The following SRCIN1 variants were observed in gnomAD, a reference collection of about 807,000 sequenced individuals.
SRCIN1 encodes the protein P130Cas-associated protein.
In SRCIN1, 50 loss-of-function variants were observed where a neutral mutation model predicts 116.2. The observed-to-expected ratio is 0.43, with a 90% CI of 0.34 to 0.54. The LOEUF is 0.54. Ranked by LOEUF, SRCIN1 falls within the 20% of genes least tolerant of loss-of-function variation. The pLI, the probability that SRCIN1 is intolerant of heterozygous loss-of-function variation, is 0.02. For synonymous variants in SRCIN1, 736 were observed against 750.0 expected (o/e 0.98, Z 0.30); for missense variants, 1,446 against 1,672.0 (o/e 0.86, Z 2.36).
At chr17:38,579,723 T>C (rs1022282027) in intron 1 of SRCIN1, among the ~76,000 whole-genome samples, 2 of 152,130 alleles carry the variant, frequency 1.3e-5, no homozygotes. Context: ...CGCGGAACTC[T>C]GAATCCCCTT....
intron 1 of SRCIN1, among the ~76,000 whole-genome samples, chr17:38,599,617 C>T (rs1270431317): frequency 1.3e-5 from 2 of 152,194 alleles, no homozygotes; most frequent in African/African-American, 2.4e-5. Flanking sequence ...TATCTAACCT[C>T]GATTCCTCCT....
Position 38,562,874 on chromosome 17 carries a change from G to C in SRCIN1, c.787C>G (p.Leu263Val). Residue 263 changes from leucine to valine, a missense_variant, in exon 6 of 19, where the codon CTC becomes GTC. Leu to Val is a conservative substitution (Grantham distance 32). Transcript: ENST00000617146. The surrounding 1 kb of genome is among the most constrained non-coding windows in gnomAD (Gnocchi z 4.2). ...TGTGAGCCAGGGAAGGCAGCGTAGAGGGGCTCCTTTCTGTAGATCTTGATA... is the reference window on the plus strand; with the variant it reads ...TGTGAGCCAGGGAAGGCAGCGTAGACGGGCTCCTTTCTGTAGATCTTGATA... ...SIIKIYRKEP[L>V]YAAFPGSHLT... 1 of 1,613,862 alleles carries C rather than the reference G, an allele frequency of 6.2e-7. No homozygotes were observed. The highest frequency in any genetic ancestry group is 1.3e-5 in the African/African-American group (1 of 75,048).
At chr17:38,557,748 T>C (rs1216252499) in intron 11 of SRCIN1, among the ~76,000 whole-genome samples, 1 of 152,220 alleles carries the variant, frequency 6.6e-6, no homozygotes, top group African/African-American at 2.4e-5. Context: ...AAGGTGGGTT[T>C]TCCTTGGCTA....
chr17:38,583,575 CAG>C (rs1450942485), intron 1 of SRCIN1, among the ~76,000 whole-genome samples: 1 of 99,968 alleles, frequency 1.0e-5, no homozygotes, highest in Non-Finnish European at 1.8e-5. Flanking sequence ...TTTTTTGAGA[CAG>C]AGTTTCACTC....
At chr17:38,534,942 T>C (rs1283221270) in intron 18 of SRCIN1, among the ~76,000 whole-genome samples, 1 of 152,060 alleles carries the variant, frequency 6.6e-6, no homozygotes, top group Non-Finnish European at 1.5e-5. Context: ...CTGGGTAACA[T>C]GGCGAGACCT....
chr17:38,556,852 C>T (rs1421518786), intron 11 of SRCIN1, among the ~76,000 whole-genome samples: 1 of 152,210 alleles, frequency 6.6e-6, no homozygotes, highest in East Asian at 1.9e-4. Flanking sequence ...TAAATCTCTC[C>T]TTTCGTATCT....
Position 38,573,816 on chromosome 17 carries a change from C to A in SRCIN1, c.324+4674G>T, listed in dbSNP as rs544295318. Among the ~76,000 whole-genome samples the A allele has an allele frequency of 2.6e-5, 4 of 152,376 alleles. No homozygotes were observed. In the South Asian group the frequency reaches 8.3e-4, roughly 32 times the overall value. On this transcript the variant is annotated intron_variant, in intron 2 of 18. Transcript: ENST00000617146. Reference sequence around the variant, plus strand: ...ATTCAGGACAAGTCTGTCCCACTTGCCATCCAGCCTTGGGGGCAGACACAT... The same window carrying A: ...ATTCAGGACAAGTCTGTCCCACTTGACATCCAGCCTTGGGGGCAGACACAT...
intron 11 of SRCIN1, among the ~76,000 whole-genome samples, chr17:38,557,467 A>C (rs60976555): frequency 0.028 from 4,213 of 152,316 alleles, 220 homozygotes; most frequent in African/African-American, 0.096. Flanking sequence ...AGAGGGCCCA[A>C]AGGAAGGAGC....
At chr17:38,597,928 TG>T (rs1408944659) in intron 1 of SRCIN1, among the ~76,000 whole-genome samples, 3 of 151,418 alleles carry the variant, frequency 2.0e-5, no homozygotes, top group Admixed American at 2.0e-4. Context: ...AGGAGAGAGG[TG>T]GGTCTAGGTT....
chr17:38,566,237 T>C (rs1386270479), intron 3 of SRCIN1, among the ~76,000 whole-genome samples: 2 of 152,064 alleles, frequency 1.3e-5, no homozygotes, highest in Admixed American at 6.5e-5. Flanking sequence ...GCAGGGATCC[T>C]GGGGGTTGCT....
At position 38,572,419 on chromosome 17, in the gene SRCIN1, A is replaced by G. The variant is rs1231475535; in HGVS notation, c.325-4188T>C. Among the ~76,000 whole-genome samples the G allele has an allele frequency of 6.6e-6, 1 of 152,092 alleles. No individual in the cohort carries two copies. Among genetic ancestry groups the G allele is most frequent in the Non-Finnish European group, 1.5e-5 (1 of 67,998 alleles). On this transcript the variant is annotated intron_variant, in intron 2 of 18. Coordinates refer to ENST00000617146, the MANE Select transcript of SRCIN1 (RefSeq NM_025248.3). The surrounding 1 kb of genome is among the most constrained non-coding windows in gnomAD (Gnocchi z 4.3). ...GAAGAGGGCGCACCCCGGGAAGGTC[A>G]TGACTTTCCGACGCTGGGGGAGGGG...
chr17:38,555,812 T>C (rs1339418581), intron 11 of SRCIN1, among the ~76,000 whole-genome samples: 4 of 152,198 alleles, frequency 2.6e-5, no homozygotes, highest in Non-Finnish European at 5.9e-5. Flanking sequence ...CCCCTGCTCA[T>C]ATGTGTAACA....
chr17:38,560,231 C>T, intron 8 of SRCIN1, 102 bp downstream of exon 8: 2 of 1,410,208 alleles, frequency 1.4e-6, no homozygotes, highest in Non-Finnish European at 1.9e-6. Context: ...AAGGGATTCA[C>T]CCAGGGTCAC....
At position 38,562,960 on chromosome 17, in the gene SRCIN1, C is replaced by G. The variant is rs749613021; in HGVS notation, c.741-40G>C. 2.0e-6 allele frequency: 3 copies of G among 1,510,302 alleles called. No individual in the cohort carries two copies. Among genetic ancestry groups the G allele is most frequent in the Non-Finnish European group, 2.7e-6 (3 of 1,092,032 alleles). 93.6% of individuals were successfully genotyped at this position (1,510,302 alleles called of 1,614,324 possible). A position where few individuals can be genotyped will look rare whatever the true frequency, so the allele number is the denominator to read the frequency against. On this transcript the variant is annotated intron_variant, in intron 5 of 18. Coordinates refer to ENST00000617146, the MANE Select transcript of SRCIN1 (RefSeq NM_025248.3). This position sits in a 1 kb window ranked among gnomAD's most constrained non-coding sequence, Gnocchi z 4.2. ...GAGACGGGGGTCACCACCCATCCCC[C>G]AGCTGTGCACAATGAGAAGGGATGG...
chr17:38,605,419 C>G (rs915231838), intron 1 of SRCIN1, among the ~76,000 whole-genome samples: 4 of 148,932 alleles, frequency 2.7e-5, no homozygotes, highest in African/African-American at 7.5e-5. Context: ...TGAGGCCCTC[C>G]CCACCCAGTC....
At chr17:38,595,037 C>G (rs765510530) in intron 1 of SRCIN1, among the ~76,000 whole-genome samples, 4 of 152,152 alleles carry the variant, frequency 2.6e-5, no homozygotes, top group Non-Finnish European at 5.9e-5. Flanking sequence ...CAGCTTCCAG[C>G]AGGGGGAACA....
At position 38,558,324 on chromosome 17, in the gene SRCIN1, G is replaced by A. The variant is rs1479788462; in HGVS notation, c.2104C>T (p.Arg702Trp). The A allele has an allele frequency of 1.2e-6, 2 of 1,610,584 alleles. No homozygotes were observed. The highest frequency in any genetic ancestry group is 1.7e-5 in the Admixed American group (1 of 59,982). ...ELSMRVSEAA[R>W]RQEDPLQRQR... Reference sequence around the variant, plus strand: ...CGCTGCAGCGGGTCCTCCTGCCGCCGCGCCGCCTCCGACACGCGCATGCTC... The same window carrying A: ...CGCTGCAGCGGGTCCTCCTGCCGCCACGCCGCCTCCGACACGCGCATGCTC... The change falls in exon 11 of 19, where the codon CGG becomes TGG. Residue 702 changes from arginine (R) to tryptophan (W), a missense_variant. By Grantham distance (101) the Arg-to-Trp change is moderately radical. Transcript: ENST00000617146. The surrounding 1 kb of genome is among the most constrained non-coding windows in gnomAD (Gnocchi z 4.6).
In SRCIN1 at chr17:38,539,369, T is replaced by G. The variant is rs569206682; in HGVS notation, c.3417+4454A>C. 5.9e-5 allele frequency among the ~76,000 whole-genome samples: 9 copies of G among 152,320 alleles called. No individual in the cohort carries two copies. The East Asian group carries it at 1.7e-3, about 29-fold the overall frequency. On this transcript the variant is annotated intron_variant, in intron 18 of 18. Coordinates refer to ENST00000617146, the MANE Select transcript of SRCIN1 (RefSeq NM_025248.3). ...CCTCCCAAAGTGGGGATTACAGGCG[T>G]GAGCCACTGCCCCTGGCCTCCCAGA...
chr17:38,599,464 G>A (rs560001083), intron 1 of SRCIN1, among the ~76,000 whole-genome samples: 71 of 152,260 alleles, frequency 4.7e-4, no homozygotes, highest in African/African-American at 1.6e-3. Flanking sequence ...TCATCTGAAA[G>A]GTCACGCTGA....
Sources: allele counts gnomAD v4.1 joint callset (sites outside exome capture counted in the v4.1 genomes callset), GRCh38; gene constraint gnomAD v4.1.1; non-coding constraint Gnocchi (gnomAD v3.1); transcripts MANE v1.5; gene names NCBI Gene and HGNC (gene_info 2026-07-23, HGNC 2026-07-21).